FGD5: variants seen among roughly 807,000 people sequenced by gnomAD.
The protein encoded by FGD5 is FYVE, RhoGEF and PH domain-containing protein 5.
In FGD5, 28 loss-of-function variants were observed where a neutral mutation model predicts 133.4. The ratio of observed to expected loss-of-function variants is 0.21; its 90% CI spans 0.16 to 0.29. FGD5 has a LOEUF of 0.29. Among genes scored for constraint, FGD5 ranks in the 10% least tolerant of loss-of-function variants. The probability of loss-of-function intolerance (pLI) is 1.00; values close to 1 mark genes in which losing one functional copy is unlikely to be tolerated. For synonymous variants in FGD5, 810 were observed against 776.5 expected (o/e 1.04, Z -0.72); for missense variants, 1,858 against 1,895.2 (o/e 0.98, Z 0.36).
At position 14,908,382 on chromosome 3, in the gene FGD5, G is replaced by A. The variant is rs2038378541; in HGVS notation, c.3336+671G>A. Among the ~76,000 whole-genome samples the A allele has an allele frequency of 2.0e-5, 3 of 152,070 alleles. No individual in the cohort carries two copies. In the South Asian group the frequency reaches 6.2e-4, roughly 32 times the overall value. ...TGTTCCCAGGTCTTCAGCTGTTTTA[G>A]TAGACCTTCCGAGGCTCTGTTCTGA... On this transcript the variant is annotated intron_variant, in intron 10 of 19. Transcript: ENST00000285046.
chr3:14,843,605 G>T (rs2036966773), intron 1 of FGD5, among the ~76,000 whole-genome samples: 1 of 151,428 alleles, frequency 6.6e-6, no homozygotes, highest in Admixed American at 6.6e-5. Flanking sequence ...CAAGGGAGTG[G>T]TTTCCATGGA....
In FGD5 at chr3:14,821,196, C is replaced by G; in HGVS notation, c.2125C>G (p.Arg709Gly). ...SLSNSPQLKS[R>G]TGKLRASESP... ...CAGCAACTCCCCTCAGCTTAAGTCTCGGACTGGGAAGCTCCGGGCTTCTGA... is the reference window on the plus strand; with the variant it reads ...CAGCAACTCCCCTCAGCTTAAGTCTGGGACTGGGAAGCTCCGGGCTTCTGA... Residue 709 changes from arginine to glycine, a missense_variant, in exon 1 of 20, where the codon CGG becomes GGG. Coordinates refer to ENST00000285046, the MANE Select transcript of FGD5 (RefSeq NM_152536.4). The G allele has an allele frequency of 6.2e-7, 1 of 1,613,954 alleles. No homozygotes were observed. The highest frequency in any genetic ancestry group is 8.5e-7 in the Non-Finnish European group (1 of 1,179,876).
chr3:14,878,139 G>T (rs13070927), intron 2 of FGD5, among the ~76,000 whole-genome samples: 77,204 of 151,876 alleles, frequency 0.51, 19,937 homozygotes, highest in African/African-American at 0.54. Flanking sequence ...CAAGAAGAGG[G>T]AACAGCACAT....
At position 14,922,785 on chromosome 3, in the gene FGD5, A is replaced by T. The variant is rs937189110; in HGVS notation, c.3807+237A>T. Among the ~76,000 whole-genome samples, 1 of 152,326 alleles carries T rather than the reference A, an allele frequency of 6.6e-6. No individual in the cohort carries two copies. The highest frequency in any genetic ancestry group is 2.1e-4 in the South Asian group (1 of 4,826). ...CACGTTTTCAACAGAAAACCGTAGC[A>T]TACGTGGCTATTGTGCTTGGAGAAA... On this transcript the variant is annotated intron_variant, in intron 15 of 19. Coordinates refer to ENST00000285046, the MANE Select transcript of FGD5 (RefSeq NM_152536.4). The surrounding 1 kb of genome is among the most constrained non-coding windows in gnomAD (Gnocchi z 4.1).
intron 1 of FGD5, among the ~76,000 whole-genome samples, chr3:14,825,855 T>C (rs2036588944): frequency 6.6e-6 from 1 of 152,210 alleles, no homozygotes; most frequent in Non-Finnish European, 1.5e-5. Flanking sequence ...CCCTGATATG[T>C]TGGTTACACA....
chr3:14,861,742 G>A (rs769776862), intron 1 of FGD5, among the ~76,000 whole-genome samples: 2 of 151,484 alleles, frequency 1.3e-5, no homozygotes, highest in Admixed American at 1.3e-4. Flanking sequence ...ATGCTGGGGA[G>A]ACCACAGCAG....
In FGD5 at chr3:14,900,313, A is replaced by T; in HGVS notation, c.3155-90A>T. On this transcript the variant is annotated intron_variant, in intron 7 of 19. Transcript: ENST00000285046. ...GAGAGGGTGGATGCTTCATTCTTCC[A>T]ACTCTGGCAAGAGAGGGGGTGGCCA... is the stretch of plus-strand genomic sequence containing the variant. 3 of 1,327,554 alleles carry T rather than the reference A, an allele frequency of 2.3e-6. No homozygotes were observed. The South Asian group carries it at 3.7e-5, about 17-fold the overall frequency. The allele number at this position is 1,327,554 out of a possible 1,614,324, so 82.2% of individuals were successfully genotyped here. A position where few individuals can be genotyped will look rare whatever the true frequency, so the allele number is the denominator to read the frequency against.
At chr3:14,851,804 C>T (rs899931556) in intron 1 of FGD5, among the ~76,000 whole-genome samples, 1 of 151,678 alleles carries the variant, frequency 6.6e-6, no homozygotes, top group African/African-American at 2.4e-5. Context: ...CCCTTTTTCT[C>T]TTTGGCTAGG....
chr3:14,857,977 G>C (rs1243140240), intron 1 of FGD5, among the ~76,000 whole-genome samples: 2 of 151,800 alleles, frequency 1.3e-5, no homozygotes, highest in Non-Finnish European at 2.9e-5. Context: ...AAACTTGCTT[G>C]AAGTGGCACA....
chr3:14,926,250 C>A (rs1404309074), intron 18 of FGD5, 52 bp downstream of exon 18: 3 of 1,604,284 alleles, frequency 1.9e-6, no homozygotes, highest in African/African-American at 2.7e-5. Flanking sequence ...GAAATGACCC[C>A]CTGGGGCCTG....
At chr3:14,919,666 A>G (rs916007697) in intron 13 of FGD5, among the ~76,000 whole-genome samples, 2 of 152,222 alleles carry the variant, frequency 1.3e-5, no homozygotes, top group Non-Finnish European at 2.9e-5. Context: ...TGAGTGACTT[A>G]TAAACAACAG....
At chr3:14,838,415 T>A (rs768088405) in intron 1 of FGD5, among the ~76,000 whole-genome samples, 6 of 152,300 alleles carry the variant, frequency 3.9e-5, no homozygotes, top group Non-Finnish European at 7.3e-5. Flanking sequence ...ATGCAGAATA[T>A]TTGTAGTTTC....
chr3:14,827,357 C>T (rs556291894), intron 1 of FGD5, among the ~76,000 whole-genome samples: 36 of 147,708 alleles, frequency 2.4e-4, no homozygotes, highest in African/African-American at 8.0e-4. Flanking sequence ...GGCGCGATCT[C>T]GGCTCACTGC....
intron 9 of FGD5, among the ~76,000 whole-genome samples, chr3:14,902,900 G>T (rs186639867): frequency 6.6e-6 from 1 of 152,286 alleles, no homozygotes; most frequent in African/African-American, 2.4e-5. Context: ...AGGAGGAACC[G>T]GAGCAGCCGA....
At chr3:14,892,347 G>A (rs947829588) in intron 4 of FGD5, among the ~76,000 whole-genome samples, 9 of 151,960 alleles carry the variant, frequency 5.9e-5, no homozygotes, top group Non-Finnish European at 7.4e-5. Context: ...AACTATAGGC[G>A]TGCACCACCA....
intron 18 of FGD5, 62 bp downstream of exon 18, chr3:14,926,260 G>A (rs1401362424): frequency 4.4e-6 from 7 of 1,593,278 alleles, no homozygotes; most frequent in Non-Finnish European, 6.0e-6. Context: ...CCTGGGGCCT[G>A]CACACATCCT....
At chr3:14,855,100 T>C (rs754554496) in intron 1 of FGD5, among the ~76,000 whole-genome samples, 2 of 152,362 alleles carry the variant, frequency 1.3e-5, no homozygotes, top group East Asian at 3.9e-4. Context: ...CACATATGAG[T>C]GAGAACATGC....
rs533512292 is a variant in FGD5, at chr3:14,842,966, T to G, written c.2526-21162T>G. On this transcript the variant is annotated intron_variant, in intron 1 of 19. Coordinates refer to ENST00000285046, the MANE Select transcript of FGD5 (RefSeq NM_152536.4). Reference sequence around the variant, plus strand: ...TGCAATGAGACCTCTGAGCTGGGCCTCCTCCTCACTGTTGAAATAGAAAAC... The same window carrying G: ...TGCAATGAGACCTCTGAGCTGGGCCGCCTCCTCACTGTTGAAATAGAAAAC... 4.1e-3 allele frequency among the ~76,000 whole-genome samples: 567 copies of G among 139,880 alleles called. 2 individuals carry two copies. Among genetic ancestry groups the G allele is most frequent in the South Asian group, 8.4e-3 (32 of 3,788 alleles). The allele number at this position is 139,880 out of a possible 152,430, so 91.8% of individuals were successfully genotyped here.
chr3:14,928,207 G>C (rs1163008610), intron 18 of FGD5, among the ~76,000 whole-genome samples: 7 of 151,024 alleles, frequency 4.6e-5, no homozygotes, highest in Non-Finnish European at 8.8e-5. Flanking sequence ...CCAAAGTGCT[G>C]GGATTACAGG....
Sources: gnomAD v4.1 joint callset for allele counts (sites outside exome capture counted in the v4.1 genomes callset) on GRCh38, gnomAD v4.1.1 for gene constraint, Gnocchi (gnomAD v3.1) non-coding constraint, MANE v1.5 for transcripts, NCBI Gene and HGNC (gene_info 2026-07-23, HGNC 2026-07-21) for gene names.